PDE4D: variants seen among roughly 807,000 people sequenced by gnomAD.
The protein encoded by PDE4D is phosphodiesterase 4D.
A neutral mutation model predicts 87.4 loss-of-function variants in PDE4D; 24 were observed. The observed-to-expected ratio is 0.27, with a 90% CI of 0.20 to 0.39. The LOEUF is 0.39. Ranked by LOEUF, PDE4D falls within the 10% of genes least tolerant of loss-of-function variation. The pLI, the probability that PDE4D is intolerant of heterozygous loss-of-function variation, is 1.00. For synonymous variants in PDE4D, 384 were observed against 383.2 expected (o/e 1.00, Z -0.02); for missense variants, 714 against 1,041.0 (o/e 0.69, Z 4.32).
At chr5:60,159,499 C>T (rs1031738746) in intron 2 of PDE4D, among the ~76,000 whole-genome samples, 1 of 152,038 alleles carries the variant, frequency 6.6e-6, no homozygotes, top group African/African-American at 2.4e-5. Flanking sequence ...ATATCACCGG[C>T]CATGCAGTGA....
At chr5:59,517,242 GCC>G in intron 1 of PDE4D, among the ~76,000 whole-genome samples, 1 of 152,280 alleles carries the variant, frequency 6.6e-6, no homozygotes, top group South Asian at 2.1e-4. Context: ...CATTTCACTA[GCC>G]AGCACTGAAA....
At chr5:59,613,484 G>A (rs1829258765) in intron 1 of PDE4D, among the ~76,000 whole-genome samples, 1 of 152,174 alleles carries the variant, frequency 6.6e-6, no homozygotes, top group African/African-American at 2.4e-5. Context: ...TAGATGAGGT[G>A]TAAGAGATAC....
chr5:60,106,470 A>T (rs1428713585), intron 2 of PDE4D, among the ~76,000 whole-genome samples: 1 of 152,138 alleles, frequency 6.6e-6, no homozygotes, highest in Non-Finnish European at 1.5e-5. Context: ...GTTAACAAGG[A>T]TACCCAGGAA....
At chr5:60,232,541 C>G (rs929144502) in intron 1 of PDE4D, among the ~76,000 whole-genome samples, 1 of 151,850 alleles carries the variant, frequency 6.6e-6, no homozygotes, top group Non-Finnish European at 1.5e-5. Context: ...GATGTGACAG[C>G]GCCTCAGATC....
intron 1 of PDE4D, among the ~76,000 whole-genome samples, chr5:59,296,718 G>A (rs1252975717): frequency 6.6e-6 from 1 of 151,898 alleles, no homozygotes; most frequent in Non-Finnish European, 1.5e-5. Context: ...ATTATACAAG[G>A]AATATTGATG....
At chr5:59,474,742 T>C (rs376676772) in intron 1 of PDE4D, among the ~76,000 whole-genome samples, 2 of 152,088 alleles carry the variant, frequency 1.3e-5, no homozygotes, top group African/African-American at 4.8e-5. Context: ...TACTGCAGAA[T>C]AACCTAGACT....
At position 58,994,322 on chromosome 5, in the gene PDE4D, C is replaced by G. The variant is rs1157112546; in HGVS notation, c.922-857G>C. On this transcript the variant is annotated intron_variant, in intron 6 of 14. Coordinates refer to ENST00000340635, the MANE Select transcript of PDE4D (RefSeq NM_001104631.2). ...ATGGCATTACCAGTATCCAAATCTC[C>G]CAAAGATTTTACACTTCTCCCACCC... Among the ~76,000 whole-genome samples, 5 of 152,230 alleles carry G rather than the reference C, an allele frequency of 3.3e-5. 1 individual carries two copies. In the East Asian group the frequency reaches 9.6e-4, roughly 29 times the overall value.
Position 59,162,049 on chromosome 5 carries a change from T to C in PDE4D, c.808+18546A>G, listed in dbSNP as rs138583742. ...ATTCTGCACAAAGGCATTTTAAACA[T>C]GCAGGTGTGAATGCCCCAAATAACA... On this transcript the variant is annotated intron_variant, in intron 5 of 14. Coordinates refer to ENST00000340635, the MANE Select transcript of PDE4D (RefSeq NM_001104631.2). 2.6e-5 allele frequency among the ~76,000 whole-genome samples: 4 copies of C among 152,342 alleles called. 1 individual carries two copies. The East Asian group carries it at 7.7e-4, about 29-fold the overall frequency.
intron 5 of PDE4D, among the ~76,000 whole-genome samples, chr5:59,047,036 G>T (rs536314115): frequency 6.6e-6 from 1 of 152,286 alleles, no homozygotes; most frequent in South Asian, 2.1e-4. Context: ...CAAGAGCCTT[G>T]TAAGTTATTT....
chr5:59,275,931 A>C (rs1209773852), intron 1 of PDE4D: 1 of 985,280 alleles, frequency 1.0e-6, no homozygotes, highest in Non-Finnish European at 1.2e-6. Context: ...TCAGCCAAGG[A>C]ACAAATCTCT....
In PDE4D at chr5:59,213,326, A is replaced by AT. The variant is rs376641359; in HGVS notation, c.647+2450dup. Among the ~76,000 whole-genome samples, 575 of 151,806 alleles carry AT rather than the reference A, an allele frequency of 3.8e-3. 3 individuals carry two copies. Among genetic ancestry groups the AT allele is most frequent in the African/African-American group, 0.013 (537 of 41,446 alleles). On this transcript the variant is annotated intron_variant, in intron 2 of 14. Coordinates refer to ENST00000340635, the MANE Select transcript of PDE4D (RefSeq NM_001104631.2). ...AAGGCATGTGCCACCATGCCCAGCT[A>AT]TTTTTTTGGATTTTTAGTAAGGACA... is the stretch of plus-strand genomic sequence containing the variant.
At chr5:59,435,085 T>G (rs974296568) in intron 1 of PDE4D, among the ~76,000 whole-genome samples, 2 of 152,070 alleles carry the variant, frequency 1.3e-5, no homozygotes, top group Non-Finnish European at 2.9e-5. Flanking sequence ...CCAGACTATA[T>G]CTTCTACCTC....
At chr5:59,170,433 G>A (rs774753014) in intron 5 of PDE4D, among the ~76,000 whole-genome samples, 253 of 152,294 alleles carry the variant, frequency 1.7e-3, no homozygotes, top group Non-Finnish European at 2.4e-3. Context: ...TACAGTTAAT[G>A]CTGGACTGTG....
chr5:59,647,678 A>C (rs1332103164), intron 1 of PDE4D, among the ~76,000 whole-genome samples: 1 of 152,162 alleles, frequency 6.6e-6, no homozygotes, highest in Non-Finnish European at 1.5e-5. Context: ...TGATACTTCC[A>C]ACTGTGAAAA....
chr5:59,413,947 T>C (rs1222273018), intron 1 of PDE4D, among the ~76,000 whole-genome samples: 1 of 152,172 alleles, frequency 6.6e-6, no homozygotes, highest in African/African-American at 2.4e-5. Context: ...CACACACATA[T>C]ATATATCTGT....
intron 5 of PDE4D, among the ~76,000 whole-genome samples, chr5:59,060,215 C>T (rs1762931947): frequency 6.6e-6 from 1 of 152,144 alleles, no homozygotes; most frequent in South Asian, 2.1e-4. Context: ...ACAGAGGCTA[C>T]ACCTCACAGT....
intron 1 of PDE4D, among the ~76,000 whole-genome samples, chr5:59,245,952 A>C (rs1758761687): frequency 6.6e-6 from 1 of 151,672 alleles, no homozygotes; most frequent in South Asian, 2.1e-4. Flanking sequence ...GAAGTAGTCA[A>C]ACAAGTGTGT....
chr5:60,362,210 C>A (rs139133714), intron 1 of PDE4D, among the ~76,000 whole-genome samples: 1 of 152,192 alleles, frequency 6.6e-6, no homozygotes, highest in African/African-American at 2.4e-5. Flanking sequence ...TGTCATGAGA[C>A]CCACCTTCCC....
chr5:60,183,058 A>C (rs776558977), intron 2 of PDE4D, among the ~76,000 whole-genome samples: 38 of 152,076 alleles, frequency 2.5e-4, no homozygotes, highest in Non-Finnish European at 4.4e-4. Context: ...GGGATTAGTG[A>C]CCTTAAAAGA....
Sources: allele counts gnomAD v4.1 joint callset (sites outside exome capture counted in the v4.1 genomes callset), GRCh38; gene constraint gnomAD v4.1.1; transcripts MANE v1.5; gene names NCBI Gene and HGNC (gene_info 2026-07-23, HGNC 2026-07-21).